CROCC: variants seen among roughly 807,000 people sequenced by gnomAD.
CROCC encodes ciliary rootlet coiled-coil, rootletin, also known as rootletin.
CROCC carries 180 observed loss-of-function variants against 245.2 expected under a neutral mutation model. That is an observed-to-expected ratio of 0.73 (90% CI 0.65 to 0.83). The LOEUF is 0.83. Among genes scored for constraint, CROCC ranks in the 40% least tolerant of loss-of-function variants. The pLI, the probability that CROCC is intolerant of heterozygous loss-of-function variation, is 0.00. For synonymous variants in CROCC, 1,205 were observed against 1,241.6 expected, an observed-to-expected ratio of 0.97 and a Z score of 0.62; for missense variants, 2,688 against 2,779.4, an observed-to-expected ratio of 0.97 and a Z score of 0.74.
chr1:16,943,668 A>G (rs1438246084), intron 13 of CROCC, among the ~76,000 whole-genome samples: 1 of 152,260 alleles, frequency 6.6e-6, no homozygotes, highest in African/African-American at 2.4e-5. Flanking sequence ...TGCCGTGGCC[A>G]CCATGTGCCT....
chr1:16,953,542 CCCTG>C, intron 21 of CROCC, 61 bp downstream of exon 21: 1 of 1,468,736 alleles, frequency 6.8e-7, no homozygotes, highest in East Asian at 2.5e-5. Context: ...TGGGGCCGGG[CCCTG>C]CTCTGCCACT....
chr1:16,954,893 C>T lies in CROCC; in HGVS notation c.3465+16C>T, dbSNP rs372332652. 5.4e-4 allele frequency: 819 copies of T among 1,514,556 alleles called. No homozygotes were observed. The highest frequency in any genetic ancestry group is 9.2e-4 in the Admixed American group (45 of 48,792). The allele number at this position is 1,514,556 out of a possible 1,614,324, so 93.8% of individuals were successfully genotyped here. Reference sequence around the variant, plus strand: ...TCTTCGCGAGGTGAGCAGCCGCCCCCCTCTTCCAAGCAGCATACCCTAAAT... The same window carrying T: ...TCTTCGCGAGGTGAGCAGCCGCCCCTCTCTTCCAAGCAGCATACCCTAAAT... On this transcript the variant is annotated intron_variant, in intron 23 of 36. Coordinates refer to ENST00000375541, the MANE Select transcript of CROCC (RefSeq NM_014675.5). This position sits in a 1 kb window ranked among gnomAD's most constrained non-coding sequence, Gnocchi z 4.4.
chr1:16,966,211 C>G lies in CROCC; in HGVS notation c.4696+92C>G. ...GGATTGGCCTCTGACCTTGCCGTGG[C>G]CCCCATGACCTGACTCGGGGCTGTC... On this transcript the variant is annotated intron_variant, in intron 29 of 36. Coordinates refer to ENST00000375541, the MANE Select transcript of CROCC (RefSeq NM_014675.5). This position sits in a 1 kb window ranked among gnomAD's most constrained non-coding sequence, Gnocchi z 4.8. The G allele has an allele frequency of 1.3e-6, 2 of 1,517,374 alleles. No homozygotes were observed. The highest frequency in any genetic ancestry group is 1.8e-6 in the Non-Finnish European group (2 of 1,128,318). 94.0% of individuals were successfully genotyped at this position (1,517,374 alleles called of 1,614,324 possible).
chr1:16,923,724 A>T (rs2075464229), intron 2 of CROCC, among the ~76,000 whole-genome samples: 1 of 122,324 alleles, frequency 8.2e-6, no homozygotes, highest in African/African-American at 3.2e-5. Context: ...TGTGTTGCCC[A>T]GGCTGGAGTG....
At chr1:16,917,494 G>A (rs1411544200), upstream of CROCC, among the ~76,000 whole-genome samples, 9 of 151,614 alleles carry the variant, frequency 5.9e-5, no homozygotes, top group East Asian at 1.5e-3. Context: ...TTTGGAGGGT[G>A]GTAGTGGGGA....
In CROCC at chr1:16,922,757, G is replaced by A. The variant is rs751138827; in HGVS notation, c.155G>A (p.Arg52Lys). The A allele has an allele frequency of 4.3e-6, 7 of 1,613,866 alleles. No homozygotes were observed. The highest frequency in any genetic ancestry group is 5.9e-6 in the Non-Finnish European group (7 of 1,179,974). Reference protein sequence around the residue: ...AQITSLPALIREIVTRNLSQP... With the variant: ...AQITSLPALIKEIVTRNLSQP... ...ATCACCAGCCTGCCTGCCCTTATCA[G>A]GGAGATTGTCACCCGCAACCTCTCC... is the stretch of plus-strand genomic sequence containing the variant. The change falls in exon 2 of 37, where the codon AGG becomes AAG. Residue 52 changes from arginine (R) to lysine (K), a missense_variant. Arg to Lys is a conservative substitution (Grantham distance 26). This residue lies in a region of CROCC where 972 missense variants were observed against 895.3 expected (regional missense o/e 1.09). Coordinates refer to ENST00000375541, the MANE Select transcript of CROCC (RefSeq NM_014675.5).
Position 16,945,604 on chromosome 1 carries a change from A to G in CROCC, c.2134A>G (p.Lys712Glu), listed in dbSNP as rs1208894209. 1 of 1,611,982 alleles carries G rather than the reference A, an allele frequency of 6.2e-7. No individual in the cohort carries two copies. Among genetic ancestry groups the G allele is most frequent in the African/African-American group, 1.3e-5 (1 of 74,930 alleles). ...GGCCGAGGTGGCCGAGGCGCTGACC[A>G]AGGTGGGTCCCTGTCTGCTGCACAA... is the stretch of plus-strand genomic sequence containing the variant. ...EKAEVAEALT[K>E]AEAGRVELEL... The change falls in exon 15 of 37, where the codon AAG (lysine) becomes GAG (glutamate). Residue 712 changes from lysine (K) to glutamate (E), a missense_variant and splice_region_variant. Physicochemically the swap from Lys to Glu is moderately conservative, Grantham distance 56 (BLOSUM62 1). Around this residue, in one of 9 missense-constraint regions of CROCC, gnomAD observed 295 missense variants for 241.7 expected, o/e 1.22. Coordinates refer to ENST00000375541, the MANE Select transcript of CROCC (RefSeq NM_014675.5).
In CROCC at chr1:16,966,506, C is replaced by G; in HGVS notation, c.4795C>G (p.Leu1599Val). Residue 1599 changes from leucine to valine, a missense_variant, in exon 30 of 37, where the codon CTG becomes GTG. Leu to Val is a conservative substitution (Grantham distance 32). Coordinates refer to ENST00000375541, the MANE Select transcript of CROCC (RefSeq NM_014675.5). This position sits in a 1 kb window ranked among gnomAD's most constrained non-coding sequence, Gnocchi z 4.8. ...CAGTGAGCGGGAGCGCCGGGCCACGCTGGACCAGGTGGCCACACTGGAGAG... is the reference window on the plus strand; with the variant it reads ...CAGTGAGCGGGAGCGCCGGGCCACGGTGGACCAGGTGGCCACACTGGAGAG... The part of the protein sequence containing the change: ...RRSERERRAT[L>V]DQVATLERSL... 1.3e-6 allele frequency: 2 copies of G among 1,529,790 alleles called. No homozygotes were observed. The highest frequency in any genetic ancestry group is 2.4e-5 in the South Asian group (2 of 83,632). 94.8% of individuals were successfully genotyped at this position (1,529,790 alleles called of 1,614,324 possible).
Position 16,956,004 on chromosome 1 carries a change from C to G in CROCC, c.3712C>G (p.Leu1238Val). 6.4e-7 allele frequency: 1 copy of G among 1,550,504 alleles called. No individual in the cohort carries two copies. The highest frequency in any genetic ancestry group is 8.7e-7 in the Non-Finnish European group (1 of 1,147,006). The change falls in exon 25 of 37, where the codon CTT becomes GTT. Residue 1238 changes from leucine (L) to valine (V), a missense_variant. Coordinates refer to ENST00000375541, the MANE Select transcript of CROCC (RefSeq NM_014675.5). ...KAESERISLK[L>V]ANEDKEQKLA... ...GACCTCTGCCCTCTCCAGCCTGAAG[C>G]TTGCCAATGAGGACAAGGAGCAGAA... is the stretch of plus-strand genomic sequence containing the variant.
intron 8 of CROCC, among the ~76,000 whole-genome samples, chr1:16,933,467 G>A (rs553850263): frequency 7.9e-4 from 120 of 151,614 alleles, no homozygotes; most frequent in Non-Finnish European, 1.2e-3. Flanking sequence ...ACTCTGTCTC[G>A]AAAAAAAAAG....
chr1:16,955,886 C>G (rs766975399), intron 24 of CROCC, 111 bp from the exon 25 acceptor site: 76 of 1,348,222 alleles, frequency 5.6e-5, no homozygotes, highest in Non-Finnish European at 7.7e-5. Context: ...AGAGAGGCCA[C>G]ATGGGCAGGC....
chr1:16,945,366 G>GCCTCAGGCCTGGT, intron 14 of CROCC, 96 bp from the exon 15 acceptor site: 1 of 1,558,174 alleles, frequency 6.4e-7, no homozygotes, highest in Admixed American at 1.9e-5. Flanking sequence ...CCAAACTCCT[G>GCCTCAGGCCTGGT]CCTCAGGCCT....
Position 16,950,991 on chromosome 1 carries a change from C to G in CROCC, c.2875C>G (p.Gln959Glu). The change falls in exon 20 of 37, where the codon CAG (glutamine) becomes GAG (glutamate). Residue 959 changes from glutamine to glutamate, a missense_variant. By Grantham distance (29) the Gln-to-Glu change is conservative (BLOSUM62 2). Coordinates refer to ENST00000375541, the MANE Select transcript of CROCC (RefSeq NM_014675.5). ...CCTGCGGCAGCAAATAATAGCTACA[C>G]AGGAGAAAGCCAGTCTAGACAAGGA... ...AGLRQQIIAT[Q>E]EKASLDKELM... The G allele has an allele frequency of 6.3e-7, 1 of 1,597,540 alleles. No homozygotes were observed. The highest frequency in any genetic ancestry group is 1.1e-5 in the South Asian group (1 of 88,690).
chr1:16,957,552 C>G (rs1036205932), intron 25 of CROCC, among the ~76,000 whole-genome samples: 3 of 152,088 alleles, frequency 2.0e-5, no homozygotes, highest in Non-Finnish European at 4.4e-5. Context: ...AAGTAATTCT[C>G]CTGACTCAGC....
upstream of CROCC, among the ~76,000 whole-genome samples, chr1:16,919,742 G>A (rs376314437): frequency 4.1e-4 from 62 of 152,334 alleles, no homozygotes; most frequent in Admixed American, 7.2e-4. Flanking sequence ...ACTATCAGTC[G>A]CATTTTTTTG....
At chr1:16,943,738 G>A (rs549679604) in intron 13 of CROCC, among the ~76,000 whole-genome samples, 3 of 152,382 alleles carry the variant, frequency 2.0e-5, no homozygotes, top group East Asian at 3.8e-4. Flanking sequence ...CAGAATTGAG[G>A]GGCATGGGGT....
chr1:16,944,150 A>G lies in CROCC; in HGVS notation c.1859A>G (p.Glu620Gly). The change falls in exon 14 of 37, where the codon GAG becomes GGG. Residue 620 changes from glutamate (E) to glycine (G), a missense_variant. Physicochemically the swap from Glu to Gly is moderately conservative, Grantham distance 98 (BLOSUM62 -2). This residue lies in a region of CROCC where 972 missense variants were observed against 895.3 expected (regional missense o/e 1.09). Coordinates refer to ENST00000375541, the MANE Select transcript of CROCC (RefSeq NM_014675.5). ...HSLQVAQQQA[E>G]ELRQEREKLQ... ...CTGCAGGTGGCCCAGCAGCAGGCCG[A>G]GGAGCTGCGGCAGGAGCGGGAGAAG... 1 of 1,560,412 alleles carries G rather than the reference A, an allele frequency of 6.4e-7. No individual in the cohort carries two copies. The highest frequency in any genetic ancestry group is 1.3e-5 in the African/African-American group (1 of 74,180).
intron 8 of CROCC, among the ~76,000 whole-genome samples, chr1:16,932,353 T>C (rs1272968299): frequency 1.3e-5 from 2 of 152,212 alleles, no homozygotes; most frequent in Non-Finnish European, 2.9e-5. Context: ...GGCAGGAGAA[T>C]TGCTTGAACC....
At chr1:16,958,560 C>T (rs2076282088) in intron 25 of CROCC, 23 bp from the exon 26 acceptor site, 1 of 1,549,200 alleles carries the variant, frequency 6.5e-7, no homozygotes. Context: ...GCTGAACCTG[C>T]TGCCATTCCC....
Sources: gnomAD v4.1 joint callset for allele counts (sites outside exome capture counted in the v4.1 genomes callset) on GRCh38, gnomAD v4.1.1 for gene constraint, gnomAD v4.1.1 regional missense constraint, Gnocchi (gnomAD v3.1) non-coding constraint, MANE v1.5 for transcripts, NCBI Gene and HGNC (gene_info 2026-07-23, HGNC 2026-07-21) for gene names.